Variants in RANBP3L observed in about 807,000 individuals in gnomAD.
The protein encoded by RANBP3L is RAN binding protein 3 like, also known as ran-binding protein 3-like.
A neutral mutation model predicts 67.2 loss-of-function variants in RANBP3L; 56 were observed. That is an observed-to-expected ratio of 0.83 (90% CI 0.67 to 1.04). RANBP3L has a LOEUF of 1.04. RANBP3L is among the 50% of genes least tolerant of loss of function. The probability of loss-of-function intolerance (pLI) is 0.00; values close to 1 mark genes in which losing one functional copy is unlikely to be tolerated. For missense variants in RANBP3L, 496 were observed against 535.5 expected, an observed-to-expected ratio of 0.93 and a Z score of 0.73; for synonymous variants, 164 against 181.4, an observed-to-expected ratio of 0.90 and a Z score of 0.77.
At chr5:36,282,144 A>G (rs1052492277) in intron 1 of RANBP3L, among the ~76,000 whole-genome samples, 1 of 152,110 alleles carries the variant, frequency 6.6e-6, no homozygotes, top group African/African-American at 2.4e-5. Flanking sequence ...TAAATCACAT[A>G]TTTTTCACTC....
Position 36,301,624 on chromosome 5 carries a change from C to T in RANBP3L, c.-208G>A, listed in dbSNP as rs1579814499. The T allele has an allele frequency of 2.1e-6, 1 of 473,594 alleles. No individual in the cohort carries two copies. 29.3% of individuals were successfully genotyped at this position (473,594 alleles called of 1,614,324 possible). ...TAAATAATCACCAATGTTACTTCTCCTAAATATAAAGATGCCAATTCATTT... is the reference window on the plus strand; with the variant it reads ...TAAATAATCACCAATGTTACTTCTCTTAAATATAAAGATGCCAATTCATTT... On this transcript the variant is annotated 5_prime_UTR_variant, in exon 1 of 14. It removes the in-frame stop codon of an upstream open reading frame in the 5' UTR. Transcript: ENST00000296604.
In RANBP3L at chr5:36,251,342, T is replaced by G; in HGVS notation, c.1325A>C (p.Asp442Ala). The change falls in exon 13 of 14, where the codon GAT (aspartate) becomes GCT (alanine). Residue 442 changes from aspartate (D) to alanine (A), a missense_variant. Transcript: ENST00000296604. ...TCCATTTTTAGTGACTTGGATGAAATCATCCTCATTCTCATCACAGCTTTC... is the reference window on the plus strand; with the variant it reads ...TCCATTTTTAGTGACTTGGATGAAAGCATCCTCATTCTCATCACAGCTTTC... ...NCESCDENED[D>A]FIQVTKNGSD... 1 of 1,612,710 alleles carries G rather than the reference T, an allele frequency of 6.2e-7. No individual in the cohort carries two copies.
At chr5:36,267,994 C>A (rs1387231167) in intron 4 of RANBP3L, among the ~76,000 whole-genome samples, 2 of 152,168 alleles carry the variant, frequency 1.3e-5, no homozygotes, top group Non-Finnish European at 1.5e-5. Context: ...TTCAAACTTT[C>A]TACCAAAGGT....
At chr5:36,300,831 CT>C (rs1490682252) in intron 1 of RANBP3L, among the ~76,000 whole-genome samples, 1 of 152,116 alleles carries the variant, frequency 6.6e-6, no homozygotes, top group Admixed American at 6.6e-5. Flanking sequence ...ACACTTTTCC[CT>C]GACTGTCTCC....
chr5:36,265,060 T>C lies in RANBP3L; in HGVS notation c.379A>G (p.Ile127Val), dbSNP rs1749663637. ...CTTCGAGCTTGAGGTAGCTGCAAAA[T>C]AGCAGGTCTAATAACATGTTTAGAA... ...KHSKHVIRPAILQLPQARSCA... is the reference protein window; with the variant it reads ...KHSKHVIRPAVLQLPQARSCA... Residue 127 changes from isoleucine (I) to valine (V), a missense_variant, in exon 6 of 14, where the codon ATT (isoleucine) becomes GTT (valine). Physicochemically the swap from Ile to Val is conservative, Grantham distance 29. Coordinates refer to ENST00000296604, the MANE Select transcript of RANBP3L (RefSeq NM_145000.5). 1 of 1,611,400 alleles carries C rather than the reference T, an allele frequency of 6.2e-7. No homozygotes were observed. The highest frequency in any genetic ancestry group is 8.5e-7 in the Non-Finnish European group (1 of 1,177,568).
intron 1 of RANBP3L, among the ~76,000 whole-genome samples, chr5:36,290,985 C>A (rs1218202076): frequency 6.7e-6 from 1 of 148,718 alleles, no homozygotes; most frequent in Non-Finnish European, 1.5e-5. Flanking sequence ...ACCTCATGAT[C>A]CACCTGCCTC....
At chr5:36,260,711 T>A (rs2111746751) in intron 8 of RANBP3L, 69 bp downstream of exon 8, 1 of 671,772 alleles carries the variant, frequency 1.5e-6, no homozygotes, top group East Asian at 2.9e-5. Flanking sequence ...TACTTTTAAT[T>A]AATTTACCTT....
chr5:36,255,405 A>G lies in RANBP3L; in HGVS notation c.1024+65T>C, dbSNP rs1748896891. 4.0e-6 allele frequency: 6 copies of G among 1,499,892 alleles called. No individual in the cohort carries two copies. The African/African-American group carries it at 4.2e-5, about 11-fold the overall frequency. The allele number at this position is 1,499,892 out of a possible 1,614,324, so 92.9% of individuals were successfully genotyped here. A position where few individuals can be genotyped will look rare whatever the true frequency, so the allele number is the denominator to read the frequency against. On this transcript the variant is annotated intron_variant, in intron 11 of 13. Coordinates refer to ENST00000296604, the MANE Select transcript of RANBP3L (RefSeq NM_145000.5). ...TCTCCAGAAAATGATGTGTACCTAT[A>G]TTATTATAAGTACACAGGAGAAATC...
chr5:36,300,125 A>G (rs1752514218), intron 1 of RANBP3L, among the ~76,000 whole-genome samples: 1 of 152,186 alleles, frequency 6.6e-6, no homozygotes, highest in South Asian at 2.1e-4. Context: ...ACAGAAAACA[A>G]AAACCTCTGA....
At position 36,261,983 on chromosome 5, in the gene RANBP3L, G is replaced by A. The variant is rs1447879736; in HGVS notation, c.540C>T (p.Val180=). 6.2e-7 allele frequency: 1 copy of A among 1,606,538 alleles called. No homozygotes were observed. The highest frequency in any genetic ancestry group is 8.5e-7 in the Non-Finnish European group (1 of 1,174,024). Residue 180 remains valine (V), a synonymous_variant, in exon 7 of 14, where the codon GTC becomes GTT. Transcript: ENST00000296604. ...SENLSRARIS[V]QLSTNQDFLG... The stretch of plus-strand genomic sequence containing the variant: ...AAAAGTCCTGGTTAGTAGACAGCTG[G>A]ACTGAAATTCTAGCCCTTGATAAAT...
At position 36,264,987 on chromosome 5, in the gene RANBP3L, C is replaced by T. The variant is rs763516242; in HGVS notation, c.452G>A (p.Cys151Tyr). Residue 151 changes from cysteine (C) to tyrosine (Y), a missense_variant, in exon 6 of 14, where the codon TGC becomes TAC. Physicochemically the swap from Cys to Tyr is radical, Grantham distance 194 (BLOSUM62 -2). Transcript: ENST00000296604. ...ATTATTTGTTTTTTCTTTAGTCTTG[C>T]AAGATTCCAGTGCCTTGTGTCCAAA... is the stretch of plus-strand genomic sequence containing the variant. ...KTFGHKALES[C>Y]KTKEKTNNKI... The T allele has an allele frequency of 5.0e-6, 8 of 1,613,500 alleles. No homozygotes were observed. The South Asian group carries it at 5.5e-5, about 11-fold the overall frequency.
At chr5:36,292,305 T>C (rs1286524942) in intron 1 of RANBP3L, among the ~76,000 whole-genome samples, 4 of 151,922 alleles carry the variant, frequency 2.6e-5, no homozygotes, top group Admixed American at 6.6e-5. Flanking sequence ...TATTAGCCCT[T>C]TGTCAGATGA....
intron 4 of RANBP3L, among the ~76,000 whole-genome samples, chr5:36,266,215 C>T (rs1013638221): frequency 2.0e-5 from 3 of 151,990 alleles, no homozygotes; most frequent in Middle Eastern, 3.2e-3. Flanking sequence ...GCAAAGTCTG[C>T]CCACACTCCC....
chr5:36,290,487 G>T (rs1751653483), intron 1 of RANBP3L, among the ~76,000 whole-genome samples: 1 of 151,982 alleles, frequency 6.6e-6, no homozygotes, highest in Non-Finnish European at 1.5e-5. Context: ...AAAATGCTGA[G>T]ATTACAGGTG....
At chr5:36,268,149 GAA>G in intron 4 of RANBP3L, 2 of 1,253,582 alleles carry the variant, frequency 1.6e-6, no homozygotes, top group Non-Finnish European at 1.1e-6. Flanking sequence ...GAATGATTTT[GAA>G]AAGTCAGTGT....
At chr5:36,255,683 C>T in intron 10 of RANBP3L, 93 bp from the exon 11 acceptor site, 1 of 716,680 alleles carries the variant, frequency 1.4e-6, no homozygotes, top group Non-Finnish European at 2.2e-6. Context: ...TGTGTCTAGT[C>T]TTTTACCAAA....
intron 4 of RANBP3L, among the ~76,000 whole-genome samples, chr5:36,265,729 T>C (rs1432699092): frequency 6.6e-6 from 1 of 152,036 alleles, no homozygotes; most frequent in Non-Finnish European, 1.5e-5. Context: ...TCCTAGCACT[T>C]TGGGAGGCCA....
intron 1 of RANBP3L, among the ~76,000 whole-genome samples, chr5:36,287,673 G>A (rs756097977): frequency 2.8e-4 from 42 of 152,066 alleles, no homozygotes; most frequent in Non-Finnish European, 4.9e-4. Flanking sequence ...TTAGTGTCTC[G>A]CCCTAGGTGT....
At chr5:36,267,132 C>G (rs111804870) in intron 4 of RANBP3L, among the ~76,000 whole-genome samples, 9 of 152,280 alleles carry the variant, frequency 5.9e-5, no homozygotes, top group African/African-American at 2.2e-4. Context: ...GGTGTCTCTT[C>G]TGCATCTGAA....
Sources: allele counts gnomAD v4.1 joint callset (sites outside exome capture counted in the v4.1 genomes callset), GRCh38; gene constraint gnomAD v4.1.1; transcripts MANE v1.5; gene names NCBI Gene and HGNC (gene_info 2026-07-23, HGNC 2026-07-21).